The following NAP1L4 variants were observed in gnomAD, a reference collection of about 807,000 sequenced individuals.
The protein encoded by NAP1L4 is nucleosome assembly protein 1 like 4.
A neutral mutation model predicts 58.2 loss-of-function variants in NAP1L4; 15 were observed. The observed-to-expected ratio is 0.26, with a 90% CI of 0.17 to 0.40. NAP1L4 has a LOEUF of 0.40. NAP1L4 is among the 10% of genes least tolerant of loss of function. The pLI is 1.00. For synonymous variants in NAP1L4, 171 were observed against 155.6 expected, an observed-to-expected ratio of 1.10 and a Z score of -0.74; for missense variants, 384 against 451.1, an observed-to-expected ratio of 0.85 and a Z score of 1.35.
At position 2,990,043 on chromosome 11, in the gene NAP1L4, A is replaced by T. The variant is rs116183053; in HGVS notation, c.-18+2211T>A. The T allele has an allele frequency of 6.9e-3, 1,055 of 152,344 alleles. 11 individuals are homozygous for T. Among genetic ancestry groups the T allele is most frequent in the African/African-American group, 0.024 (993 of 41,584 alleles). 9.4% of individuals were successfully genotyped at this position (152,344 alleles called of 1,614,324 possible). ...TTTATTTGCTACTGCAAAGAATTCAACCAATTTCTCCAATGACTACTCCAT... is the reference window on the plus strand; with the variant it reads ...TTTATTTGCTACTGCAAAGAATTCATCCAATTTCTCCAATGACTACTCCAT... On this transcript the variant is annotated intron_variant, in intron 1 of 15. Transcript: ENST00000380542.
chr11:2,986,649 A>G (rs1848647915), intron 1 of NAP1L4, among the ~76,000 whole-genome samples: 1 of 138,092 alleles, frequency 7.2e-6, no homozygotes, highest in Non-Finnish European at 1.5e-5. Flanking sequence ...TTTTTGAGAT[A>G]GAGTTTCGCA....
chr11:2,946,787 C>T lies in NAP1L4; in HGVS notation c.*33-1141G>A, dbSNP rs1030930555. Among the ~76,000 whole-genome samples the T allele has an allele frequency of 7.2e-5, 11 of 152,206 alleles. No homozygotes were observed. The highest frequency in any genetic ancestry group is 5.9e-4 in the Admixed American group (9 of 15,284). Reference sequence around the variant, plus strand: ...CCCAAAGAGCCTGGCCAAGACAAAACGAGGCTGACCAAAAACCCTCGCCAT... The same window carrying T: ...CCCAAAGAGCCTGGCCAAGACAAAATGAGGCTGACCAAAAACCCTCGCCAT... On this transcript the variant is annotated intron_variant, in intron 15 of 15. Coordinates refer to ENST00000380542, the MANE Select transcript of NAP1L4 (RefSeq NM_005969.4). The surrounding 1 kb of genome is among the most constrained non-coding windows in gnomAD (Gnocchi z 4.8).
At chr11:2,966,073 A>G (rs10766497) in intron 7 of NAP1L4, among the ~76,000 whole-genome samples, 128,020 of 152,254 alleles carry the variant, frequency 0.84, 54,267 homozygotes, top group African/African-American at 0.94. Flanking sequence ...GGCAGCAGGC[A>G]CTTCATTTGT....
At position 2,965,866 on chromosome 11, in the gene NAP1L4, CGT is replaced by C. The variant is rs776630640; in HGVS notation, c.535-1117_535-1116del. Among the ~76,000 whole-genome samples, 5 of 152,314 alleles carry C rather than the reference CGT, an allele frequency of 3.3e-5. No individual in the cohort carries two copies. The East Asian group carries it at 7.7e-4, about 24-fold the overall frequency. On this transcript the variant is annotated intron_variant, in intron 7 of 15. Coordinates refer to ENST00000380542, the MANE Select transcript of NAP1L4 (RefSeq NM_005969.4). ...CTTCTTTAAGAACACTTACACAGAG[CGT>C]GTCTGAGATCCAACTTGCGGGCACC...
In NAP1L4 at chr11:2,971,377, A is replaced by C; in HGVS notation, c.402+71T>G. ...AGCACATAAGTTTACTAGTCATTAAAAATCATTAAAAAATGCTTATTTTTA... is the reference window on the plus strand; with the variant it reads ...AGCACATAAGTTTACTAGTCATTAACAATCATTAAAAAATGCTTATTTTTA... On this transcript the variant is annotated intron_variant, in intron 6 of 15. Transcript: ENST00000380542. This position sits in a 1 kb window ranked among gnomAD's most constrained non-coding sequence, Gnocchi z 4.2. 7.2e-7 allele frequency: 1 copy of C among 1,383,958 alleles called. No homozygotes were observed. The highest frequency in any genetic ancestry group is 1.2e-5 in the South Asian group (1 of 82,312). 85.7% of individuals were successfully genotyped at this position (1,383,958 alleles called of 1,614,324 possible). A position where few individuals can be genotyped will look rare whatever the true frequency, so the allele number is the denominator to read the frequency against.
At chr11:2,965,322 C>CCTACTAT (rs1847202416) in intron 7 of NAP1L4, among the ~76,000 whole-genome samples, 1 of 152,232 alleles carries the variant, frequency 6.6e-6, no homozygotes, top group Non-Finnish European at 1.5e-5. Flanking sequence ...GATAGTGCAG[C>CCTACTAT]CTACTATCCA....
chr11:2,973,147 C>G (rs1341740321), intron 4 of NAP1L4, among the ~76,000 whole-genome samples: 1 of 152,216 alleles, frequency 6.6e-6, no homozygotes, highest in Non-Finnish European at 1.5e-5. Context: ...CACTTGTTAA[C>G]ACACTGGAGG....
chr11:2,970,014 G>A (rs547574242), intron 6 of NAP1L4, 80 bp from the exon 7 acceptor site: 11 of 1,425,208 alleles, frequency 7.7e-6, no homozygotes, highest in African/African-American at 5.7e-5. Flanking sequence ...TATCGTTGCC[G>A]AATCCTCTAC....
chr11:2,959,346 C>T lies in NAP1L4; in HGVS notation c.746+424G>A, dbSNP rs1846725924. ...AGACTGAAATCAGTGAGTCAAACAA[C>T]AGCTATGCTGCCCCCACCTATTTCC... On this transcript the variant is annotated intron_variant, in intron 9 of 15. Transcript: ENST00000380542. The surrounding 1 kb of genome is among the most constrained non-coding windows in gnomAD (Gnocchi z 4.9). Among the ~76,000 whole-genome samples, 1 of 152,194 alleles carries T rather than the reference C, an allele frequency of 6.6e-6. No individual in the cohort carries two copies.
intron 8 of NAP1L4, among the ~76,000 whole-genome samples, chr11:2,962,883 C>G (rs56047020): frequency 6.6e-6 from 1 of 151,790 alleles, no homozygotes; most frequent in East Asian, 1.9e-4. Flanking sequence ...GGGTGGATCA[C>G]GAGGTCAAGA....
At chr11:2,973,662 A>G (rs887430509) in intron 4 of NAP1L4, among the ~76,000 whole-genome samples, 3 of 152,248 alleles carry the variant, frequency 2.0e-5, no homozygotes, top group African/African-American at 7.2e-5. Flanking sequence ...AATGCTTAAC[A>G]TTCTAGAACT....
intron 1 of NAP1L4, chr11:2,989,946 G>A (rs1262055969): frequency 6.6e-6 from 1 of 152,142 alleles, no homozygotes; most frequent in Non-Finnish European, 1.5e-5. Flanking sequence ...ACATTTTGAG[G>A]ACATCCTAAA....
intron 10 of NAP1L4, among the ~76,000 whole-genome samples, chr11:2,956,294 C>CAA (rs1846535841): frequency 1.3e-5 from 2 of 152,192 alleles, no homozygotes; most frequent in African/African-American, 4.8e-5. Context: ...TAGAGTGGCG[C>CAA]AATTCCTCAG....
At chr11:2,958,783 T>G in intron 9 of NAP1L4, 1 of 531,026 alleles carries the variant, frequency 1.9e-6, no homozygotes, top group Non-Finnish European at 3.3e-6. Context: ...ACAATGGTAT[T>G]ATTTTCCCAA....
At chr11:2,950,135 G>A (rs527586654) in intron 14 of NAP1L4, among the ~76,000 whole-genome samples, 1 of 152,344 alleles carries the variant, frequency 6.6e-6, no homozygotes, top group East Asian at 1.9e-4. Context: ...ACGCAAGGCA[G>A]ACCCAGGCCT....
chr11:2,982,412 T>C (rs1848375684), intron 1 of NAP1L4, among the ~76,000 whole-genome samples: 1 of 152,240 alleles, frequency 6.6e-6, no homozygotes, highest in Admixed American at 6.5e-5. Flanking sequence ...GTCAGTTTAA[T>C]GGACAGATTC....
At chr11:2,981,445 A>AAAAAAAG (rs1848305004) in intron 1 of NAP1L4, among the ~76,000 whole-genome samples, 1 of 142,282 alleles carries the variant, frequency 7.0e-6, no homozygotes, top group Non-Finnish European at 1.5e-5. Context: ...AAAAAAAAAA[A>AAAAAAAG]GGCAATAAAC....
At position 2,971,577 on chromosome 11, in the gene NAP1L4, A is replaced by G. The variant is rs995494223; in HGVS notation, c.316-43T>C. 5 of 1,504,292 alleles carry G rather than the reference A, an allele frequency of 3.3e-6. No homozygotes were observed. Among genetic ancestry groups the G allele is most frequent in the African/African-American group, 2.8e-5 (2 of 72,456 alleles). The allele number at this position is 1,504,292 out of a possible 1,614,324, so 93.2% of individuals were successfully genotyped here. ...CTTATTAGAATTATGTTATTAGCTT[A>G]CTTAGGAACTCAAGAGTTAAATTTA... On this transcript the variant is annotated intron_variant, in intron 5 of 15. Coordinates refer to ENST00000380542, the MANE Select transcript of NAP1L4 (RefSeq NM_005969.4). The surrounding 1 kb of genome is among the most constrained non-coding windows in gnomAD (Gnocchi z 4.2).
intron 1 of NAP1L4, among the ~76,000 whole-genome samples, chr11:2,979,769 T>C (rs917201015): frequency 3.0e-5 from 4 of 134,226 alleles, no homozygotes; most frequent in African/African-American, 1.2e-4. Flanking sequence ...TGAAACTCCA[T>C]CTAAAAAAAA....
Sources: allele counts gnomAD v4.1 joint callset (sites outside exome capture counted in the v4.1 genomes callset), GRCh38; gene constraint gnomAD v4.1.1; non-coding constraint Gnocchi (gnomAD v3.1); transcripts MANE v1.5; gene names NCBI Gene and HGNC (gene_info 2026-07-23, HGNC 2026-07-21).